FSD1L: variants seen among roughly 807,000 people sequenced by gnomAD.
FSD1L encodes fibronectin type III and SPRY domain containing 1 like, also known as FSD1-like protein.
Under a neutral mutation model 71.6 loss-of-function variants are expected in FSD1L, and 45 were observed. The observed-to-expected ratio is 0.63, with a 90% CI of 0.49 to 0.81. The LOEUF is 0.81. Among genes scored for constraint, FSD1L ranks in the 30% least tolerant of loss-of-function variants. The pLI is 0.00. For missense variants in FSD1L, 561 were observed against 618.1 expected (o/e 0.91, Z 0.98); for synonymous variants, 197 against 207.2 (o/e 0.95, Z 0.42).
At chr9:105,484,166 C>G (rs1264311139) in intron 6 of FSD1L, among the ~76,000 whole-genome samples, 1 of 152,030 alleles carries the variant, frequency 6.6e-6, no homozygotes, top group Non-Finnish European at 1.5e-5. Flanking sequence ...AGGAAAGTTG[C>G]TAACCAGTTG....
chr9:105,454,657 A>G (rs964790414), intron 1 of FSD1L, among the ~76,000 whole-genome samples: 1 of 152,200 alleles, frequency 6.6e-6, no homozygotes, highest in African/African-American at 2.4e-5. Context: ...TGGGTAAAAC[A>G]GCCAGTTCAA....
chr9:105,521,126 C>T, intron 10 of FSD1L: 1 of 1,613,774 alleles, frequency 6.2e-7, no homozygotes, highest in Non-Finnish European at 8.5e-7. Context: ...ATGAAGCAAT[C>T]TATTGTACAA....
upstream of FSD1L, among the ~76,000 whole-genome samples, chr9:105,443,344 A>ACTTTCAT (rs1459281541): frequency 5.7e-5 from 7 of 122,766 alleles, no homozygotes; most frequent in African/African-American, 3.1e-4. Context: ...ATCTGCAGGG[A>ACTTTCAT]AACTCATTTT....
Position 105,528,311 on chromosome 9 carries a change from G to A in FSD1L, c.1026-6182G>A, listed in dbSNP as rs926195608. Among the ~76,000 whole-genome samples, 15 of 150,780 alleles carry A rather than the reference G, an allele frequency of 9.9e-5. No homozygotes were observed. The East Asian group carries it at 1.7e-3, about 18-fold the overall frequency. ...GCTACTTTAAACTTCATATGGAACC[G>A]CCCGCATAGAGAAGACAATCTTAAG... On this transcript the variant is annotated intron_variant, in intron 10 of 13. Coordinates refer to ENST00000481272, the MANE Select transcript of FSD1L (RefSeq NM_001145313.3).
chr9:105,445,146 C>T (rs529003537), upstream of FSD1L, among the ~76,000 whole-genome samples: 8 of 152,258 alleles, frequency 5.3e-5, no homozygotes, highest in East Asian at 1.9e-4. Flanking sequence ...GAGCCCAGCT[C>T]GGTACGTGGC....
chr9:105,447,324 C>CAAAAAAAA (rs35514046), upstream of FSD1L, among the ~76,000 whole-genome samples: 12 of 61,546 alleles, frequency 1.9e-4, no homozygotes, highest in African/African-American at 5.6e-4. Flanking sequence ...ACTCCATCTC[C>CAAAAAAAA]AAAAAAAAAA....
intron 6 of FSD1L, among the ~76,000 whole-genome samples, chr9:105,481,141 C>CTA (rs1554704153): frequency 7.4e-5 from 6 of 81,530 alleles, no homozygotes; most frequent in Non-Finnish European, 1.3e-4. Context: ...CAGGCAAACT[C>CTA]TGTGTGTGTG....
chr9:105,484,602 A>T, intron 7 of FSD1L, 100 bp downstream of exon 7: 1 of 698,760 alleles, frequency 1.4e-6, no homozygotes, highest in Non-Finnish European at 2.1e-6. Flanking sequence ...AAGGAAGTAT[A>T]GTGTGATTTT....
chr9:105,501,984 T>C (rs1285601287), intron 7 of FSD1L, among the ~76,000 whole-genome samples: 2 of 152,160 alleles, frequency 1.3e-5, no homozygotes, highest in East Asian at 3.8e-4. Flanking sequence ...CTTTCATGTA[T>C]ATTTTTTTCT....
chr9:105,461,258 T>G (rs1830675393), intron 1 of FSD1L, among the ~76,000 whole-genome samples: 1 of 152,142 alleles, frequency 6.6e-6, no homozygotes, highest in African/African-American at 2.4e-5. Flanking sequence ...GATGGTAGCT[T>G]CTAGCCGTAA....
At chr9:105,484,685 A>C (rs932486531) in intron 7 of FSD1L, among the ~76,000 whole-genome samples, 183 bp downstream of exon 7, 1 of 152,018 alleles carries the variant, frequency 6.6e-6, no homozygotes, top group African/African-American at 2.4e-5. Context: ...TGGTAGTAAA[A>C]ATTGCATTTT....
chr9:105,457,695 C>T (rs1830440364), intron 1 of FSD1L, among the ~76,000 whole-genome samples: 1 of 152,260 alleles, frequency 6.6e-6, no homozygotes, highest in Admixed American at 6.5e-5. Flanking sequence ...GCCTGGCAGG[C>T]TGTGCTTAGC....
intron 7 of FSD1L, among the ~76,000 whole-genome samples, chr9:105,488,962 T>G (rs574911518): frequency 1.6e-4 from 24 of 152,282 alleles, no homozygotes; most frequent in African/African-American, 5.3e-4. Context: ...CTCATCATTT[T>G]ATTCTAAACC....
chr9:105,505,192 A>G (rs1023712809), intron 7 of FSD1L, among the ~76,000 whole-genome samples: 2 of 152,192 alleles, frequency 1.3e-5, no homozygotes, highest in Non-Finnish European at 2.9e-5. Context: ...TTCATCTCTT[A>G]TATCCTGCAA....
intron 7 of FSD1L, among the ~76,000 whole-genome samples, chr9:105,484,876 T>C (rs1477764217): frequency 1.3e-5 from 2 of 152,154 alleles, no homozygotes; most frequent in Non-Finnish European, 2.9e-5. Flanking sequence ...AATGCGATGT[T>C]ATTCTTCTAG....
chr9:105,524,071 T>C lies in FSD1L; in HGVS notation c.1026-10422T>C, dbSNP rs572070357. ...CAGTTTACAGATGTTAAGGAACTTATAATCAAAACTGTATTAAGCTCGGCA... is the reference window on the plus strand; with the variant it reads ...CAGTTTACAGATGTTAAGGAACTTACAATCAAAACTGTATTAAGCTCGGCA... On this transcript the variant is annotated intron_variant, in intron 10 of 13. Transcript: ENST00000481272. 15 of 1,610,424 alleles carry C rather than the reference T, an allele frequency of 9.3e-6. No individual in the cohort carries two copies. In the East Asian group the frequency reaches 1.1e-4, roughly 12 times the overall value.
At chr9:105,470,954 C>T (rs1204567066) in intron 4 of FSD1L, among the ~76,000 whole-genome samples, 1 of 152,144 alleles carries the variant, frequency 6.6e-6, no homozygotes, top group Non-Finnish European at 1.5e-5. Flanking sequence ...GGACCCAGAC[C>T]CTTCTTCACA....
intron 13 of FSD1L, among the ~76,000 whole-genome samples, chr9:105,545,671 A>G (rs912480806): frequency 1.6e-4 from 25 of 152,014 alleles, no homozygotes; most frequent in African/African-American, 3.6e-4. Flanking sequence ...TTCTGCATCT[A>G]TTGAGATAAT....
chr9:105,526,447 G>T, intron 10 of FSD1L: 1 of 1,612,892 alleles, frequency 6.2e-7, no homozygotes, highest in Non-Finnish European at 8.5e-7. Flanking sequence ...GGGCTGACCT[G>T]GCCTCTCCAA....
Sources: gnomAD v4.1 joint callset for allele counts (sites outside exome capture counted in the v4.1 genomes callset) on GRCh38, gnomAD v4.1.1 for gene constraint, MANE v1.5 for transcripts, NCBI Gene and HGNC (gene_info 2026-07-23, HGNC 2026-07-21) for gene names.